DCC: variants seen among roughly 807,000 people sequenced by gnomAD.
DCC encodes netrin receptor DCC.
Under a neutral mutation model 172.5 loss-of-function variants are expected in DCC, and 58 were observed. The ratio of observed to expected loss-of-function variants is 0.34; its 90% CI spans 0.27 to 0.42. DCC has a LOEUF of 0.42. Ranked by LOEUF, DCC falls within the 10% of genes least tolerant of loss-of-function variation. The pLI, the probability that DCC is intolerant of heterozygous loss-of-function variation, is 1.00. For synonymous variants in DCC, 709 were observed against 644.5 expected, an observed-to-expected ratio of 1.10 and a Z score of -1.52; for missense variants, 1,740 against 1,791.0, an observed-to-expected ratio of 0.97 and a Z score of 0.51.
At chr18:53,061,890 T>C (rs11874659) in intron 5 of DCC, among the ~76,000 whole-genome samples, 103,796 of 151,980 alleles carry the variant, frequency 0.68, 37,411 homozygotes, top group African/African-American at 0.91. Flanking sequence ...AATAAATGTT[T>C]GGCATTGGGT....
chr18:53,352,478 T>C (rs559960340), intron 15 of DCC, among the ~76,000 whole-genome samples: 7 of 152,268 alleles, frequency 4.6e-5, no homozygotes, highest in Non-Finnish European at 5.9e-5. Context: ...AGTGATACTA[T>C]TGTTTACTCT....
chr18:52,356,385 G>A (rs1018840657), intron 1 of DCC, among the ~76,000 whole-genome samples: 2 of 152,024 alleles, frequency 1.3e-5, no homozygotes, highest in Admixed American at 6.5e-5. Context: ...TTTGGTTCAG[G>A]ATGCCAAAAC....
intron 21 of DCC, among the ~76,000 whole-genome samples, chr18:53,433,460 A>T (rs1210459352): frequency 6.6e-6 from 1 of 152,184 alleles, no homozygotes; most frequent in African/African-American, 2.4e-5. Context: ...TCCCAACAGG[A>T]AACATGTATT....
chr18:53,312,037 C>T (rs2057274631), intron 13 of DCC, among the ~76,000 whole-genome samples: 1 of 151,604 alleles, frequency 6.6e-6, no homozygotes, highest in African/African-American at 2.4e-5. Flanking sequence ...GGGTAGGGCG[C>T]GGTGGCTCAT....
intron 1 of DCC, among the ~76,000 whole-genome samples, chr18:52,593,884 G>A (rs2033854051): frequency 1.3e-5 from 2 of 152,214 alleles, no homozygotes; most frequent in South Asian, 4.1e-4. Context: ...GTAAGGCACT[G>A]ATTCATTCCT....
At chr18:52,864,834 A>G (rs1797438410) in intron 2 of DCC, among the ~76,000 whole-genome samples, 1 of 150,986 alleles carries the variant, frequency 6.6e-6, no homozygotes, top group Non-Finnish European at 1.5e-5. Flanking sequence ...AGCTTCATCC[A>G]TGTCCCTGCA....
intron 1 of DCC, among the ~76,000 whole-genome samples, chr18:52,607,495 A>T (rs904641547): frequency 1.6e-4 from 25 of 152,126 alleles, no homozygotes; most frequent in African/African-American, 6.0e-4. Context: ...TGGCAATAAA[A>T]ATGCTATCTA....
At chr18:52,557,950 A>G (rs757913761) in intron 1 of DCC, among the ~76,000 whole-genome samples, 2 of 152,222 alleles carry the variant, frequency 1.3e-5, no homozygotes, top group African/African-American at 2.4e-5. Flanking sequence ...CGTGAGCCAC[A>G]GCAGAATTCA....
intron 5 of DCC, among the ~76,000 whole-genome samples, chr18:53,007,021 A>G (rs562054724): frequency 1.3e-5 from 2 of 152,352 alleles, no homozygotes; most frequent in African/African-American, 2.4e-5. Context: ...GTAGATGGCG[A>G]ACCAAATCTG....
At chr18:52,495,751 TA>T (rs1436908739) in intron 1 of DCC, among the ~76,000 whole-genome samples, 2 of 150,352 alleles carry the variant, frequency 1.3e-5, no homozygotes, top group East Asian at 3.9e-4. Flanking sequence ...TTATTTATTT[TA>T]TTTTTTTATT....
intron 1 of DCC, among the ~76,000 whole-genome samples, chr18:52,686,103 A>C (rs1007342331): frequency 6.6e-6 from 1 of 152,072 alleles, no homozygotes; most frequent in African/African-American, 2.4e-5. Flanking sequence ...CTATTCCTCA[A>C]ATCTTAGGAA....
intron 5 of DCC, among the ~76,000 whole-genome samples, chr18:53,054,145 C>T (rs2042371104): frequency 6.6e-6 from 1 of 152,074 alleles, no homozygotes; most frequent in Non-Finnish European, 1.5e-5. Context: ...ATTACTCATA[C>T]TTAATGCAGT....
chr18:52,554,214 T>C (rs778953599), intron 1 of DCC, among the ~76,000 whole-genome samples: 4 of 152,068 alleles, frequency 2.6e-5, no homozygotes, highest in African/African-American at 4.8e-5. Flanking sequence ...TAAAGAAAGA[T>C]AACTAGTGGG....
At chr18:52,598,888 A>C (rs2033961097) in intron 1 of DCC, among the ~76,000 whole-genome samples, 1 of 152,086 alleles carries the variant, frequency 6.6e-6, no homozygotes, top group Non-Finnish European at 1.5e-5. Flanking sequence ...CATTTTCCAG[A>C]GGGGTGGAAT....
At chr18:52,574,643 T>C (rs948842114) in intron 1 of DCC, among the ~76,000 whole-genome samples, 2 of 152,224 alleles carry the variant, frequency 1.3e-5, no homozygotes, top group African/African-American at 4.8e-5. Flanking sequence ...ATAGATTTAA[T>C]GTAGTTTGAA....
rs147709000 is a variant in DCC, at chr18:53,066,425, G to GTATATATATATATATATATATA, written c.1261+277_1261+278insTATATATATATATATATATATA. Among the ~76,000 whole-genome samples, 3 of 133,914 alleles carry GTATATATATATATATATATATA rather than the reference G, an allele frequency of 2.2e-5. No homozygotes were observed. In the South Asian group the frequency reaches 7.3e-4, roughly 32 times the overall value. 87.9% of individuals were successfully genotyped at this position (133,914 alleles called of 152,430 possible). ...TGCATGTGTGTATGTGTGTGTTTGT[G>GTATATATATATATATATATATA]TATATATATATATATATAAAATCTC... On this transcript the variant is annotated intron_variant, in intron 7 of 28. Coordinates refer to ENST00000442544, the MANE Select transcript of DCC (RefSeq NM_005215.4).
At chr18:53,467,334 C>T (rs1008021238) in intron 24 of DCC, among the ~76,000 whole-genome samples, 1 of 151,902 alleles carries the variant, frequency 6.6e-6, no homozygotes, top group African/African-American at 2.4e-5. Context: ...TTTTTAGTGA[C>T]TCTTTAGTAT....
chr18:53,189,615 C>G, intron 9 of DCC, among the ~76,000 whole-genome samples: 1 of 152,276 alleles, frequency 6.6e-6, no homozygotes, highest in Admixed American at 6.5e-5. Flanking sequence ...TTGGTATTAA[C>G]AGACATCCCT....
At chr18:52,625,497 T>C (rs1446321715) in intron 1 of DCC, among the ~76,000 whole-genome samples, 1 of 152,188 alleles carries the variant, frequency 6.6e-6, no homozygotes, top group Non-Finnish European at 1.5e-5. Flanking sequence ...TCCTAGACCA[T>C]CTTCATTGAC....
Sources: allele counts gnomAD v4.1 joint callset (sites outside exome capture counted in the v4.1 genomes callset), GRCh38; gene constraint gnomAD v4.1.1; transcripts MANE v1.5; gene names NCBI Gene and HGNC (gene_info 2026-07-23, HGNC 2026-07-21).